ULK4: variants seen among roughly 807,000 people sequenced by gnomAD.
ULK4 encodes inactive serine/threonine-protein kinase ULK4.
Under a neutral mutation model 160.6 loss-of-function variants are expected in ULK4, and 133 were observed. The observed-to-expected ratio is 0.83, with a 90% confidence interval of 0.72 to 0.96. ULK4 has a LOEUF of 0.96. Among genes scored for constraint, ULK4 ranks in the 40% least tolerant of loss-of-function variants. The pLI is 0.00. For missense variants in ULK4, 1,580 were observed against 1,499.5 expected, an observed-to-expected ratio of 1.05 and a Z score of -0.89; for synonymous variants, 534 against 539.8, an observed-to-expected ratio of 0.99 and a Z score of 0.15.
At chr3:41,254,585 G>T (rs550800691) in intron 35 of ULK4, among the ~76,000 whole-genome samples, 1 of 152,074 alleles carries the variant, frequency 6.6e-6, no homozygotes, top group Admixed American at 6.5e-5. Context: ...CTACATCAAG[G>T]AACTAGGAAA....
rs766339294 is a variant in ULK4 at position 41,754,368 on chromosome 3, G to A, written c.2314C>T (p.Gln772Ter). ...CATCAGAGAAAATCTTACCTTGCTTGGCAACTGAGCAGCAACATCTCACGG... is the reference window on the plus strand; with the variant it reads ...CATCAGAGAAAATCTTACCTTGCTTAGCAACTGAGCAGCAACATCTCACGG... ...YNREMLLLSC[Q>*]ARLVMYIERD... is the part of the protein sequence containing the mutation. Residue 772 changes from glutamine to a stop codon, truncating the protein, a stop_gained, in exon 22 of 37, where the codon CAA becomes TAA. Coordinates refer to ENST00000301831, the MANE Select transcript of ULK4 (RefSeq NM_017886.4). LOFTEE classifies it high-confidence loss of function. 1 of 1,608,968 alleles carries A rather than the reference G, an allele frequency of 6.2e-7. No homozygotes were observed. The highest frequency in any genetic ancestry group is 8.5e-7 in the Non-Finnish European group (1 of 1,178,474).
intron 30 of ULK4, among the ~76,000 whole-genome samples, chr3:41,637,606 G>A (rs1271918817): frequency 3.9e-5 from 6 of 152,118 alleles, no homozygotes; most frequent in African/African-American, 9.7e-5. Flanking sequence ...ATTTTTTGAG[G>A]AACCTCTATA....
chr3:41,748,909 A>G (rs1266045458), intron 22 of ULK4, among the ~76,000 whole-genome samples: 3 of 152,160 alleles, frequency 2.0e-5, no homozygotes, highest in African/African-American at 7.2e-5. Flanking sequence ...ACAACTGCGT[A>G]GCCCTCCATT....
At chr3:41,724,529 C>A (rs1244176590) in intron 22 of ULK4, among the ~76,000 whole-genome samples, 1 of 152,088 alleles carries the variant, frequency 6.6e-6, no homozygotes, top group Non-Finnish European at 1.5e-5. Flanking sequence ...TCGAGACCAT[C>A]CTGGCTAACA....
chr3:41,320,521 C>T (rs2080226351), intron 35 of ULK4, among the ~76,000 whole-genome samples: 1 of 152,228 alleles, frequency 6.6e-6, no homozygotes, highest in South Asian at 2.1e-4. Context: ...AGAACCTAGG[C>T]TGGCCACGGG....
intron 18 of ULK4, among the ~76,000 whole-genome samples, chr3:41,832,770 TC>T (rs2041633477): frequency 6.6e-6 from 1 of 152,218 alleles, no homozygotes; most frequent in Non-Finnish European, 1.5e-5. Flanking sequence ...CTGGCCAGTT[TC>T]CCCAGCACCA....
intron 32 of ULK4, among the ~76,000 whole-genome samples, chr3:41,507,977 T>C (rs1252575885): frequency 6.6e-6 from 1 of 152,184 alleles, no homozygotes; most frequent in African/African-American, 2.4e-5. Context: ...GCAAGCTCCC[T>C]GAGATGCCAA....
chr3:41,507,128 T>C (rs1378809076), intron 32 of ULK4, among the ~76,000 whole-genome samples: 2 of 58,156 alleles, frequency 3.4e-5, no homozygotes, highest in Non-Finnish European at 8.6e-5. Flanking sequence ...ACCTTATAGA[T>C]TCCGGCCAAA....
chr3:41,312,867 G>C (rs2080077992), intron 35 of ULK4, among the ~76,000 whole-genome samples: 1 of 152,140 alleles, frequency 6.6e-6, no homozygotes, highest in Admixed American at 6.5e-5. Flanking sequence ...CAGTGTAAGT[G>C]GCCCCAGGAG....
At chr3:41,494,633 T>C (rs1257160404) in intron 32 of ULK4, among the ~76,000 whole-genome samples, 2 of 152,140 alleles carry the variant, frequency 1.3e-5, no homozygotes, top group Non-Finnish European at 2.9e-5. Context: ...AAAGAGGAAG[T>C]CAAATTGTCC....
intron 19 of ULK4, among the ~76,000 whole-genome samples, chr3:41,807,604 A>C (rs921277580): frequency 2.0e-5 from 3 of 152,226 alleles, no homozygotes; most frequent in Non-Finnish European, 4.4e-5. Context: ...TAAATGAGAT[A>C]GCACACAGGA....
At chr3:41,467,639 C>T (rs1176290418) in intron 32 of ULK4, among the ~76,000 whole-genome samples, 1 of 152,198 alleles carries the variant, frequency 6.6e-6, no homozygotes, top group African/African-American at 2.4e-5. Context: ...CTAAAAATAT[C>T]AAACACTGAA....
intron 30 of ULK4, among the ~76,000 whole-genome samples, chr3:41,656,200 A>AG (rs1193251094): frequency 6.6e-6 from 1 of 152,166 alleles, no homozygotes; most frequent in Non-Finnish European, 1.5e-5. Context: ...AAGAATAATG[A>AG]AAGGATGAAG....
chr3:41,742,095 CCCTT>C (rs1339629880), intron 22 of ULK4, among the ~76,000 whole-genome samples: 1 of 151,948 alleles, frequency 6.6e-6, no homozygotes, highest in Non-Finnish European at 1.5e-5. Context: ...TCACATACAA[CCCTT>C]CCCTTCCCAG....
intron 35 of ULK4, among the ~76,000 whole-genome samples, chr3:41,329,612 A>G (rs566361738): frequency 1.6e-4 from 25 of 152,306 alleles, no homozygotes; most frequent in Admixed American, 1.2e-3. Context: ...TGTACAACCC[A>G]GTGTCATAAA....
intron 30 of ULK4, among the ~76,000 whole-genome samples, chr3:41,650,482 G>A (rs2034695290): frequency 6.6e-6 from 1 of 152,208 alleles, no homozygotes; most frequent in Non-Finnish European, 1.5e-5. Context: ...GCCCACAGTG[G>A]AGGCTGCTTG....
At chr3:41,725,326 A>G (rs1048007466) in intron 22 of ULK4, among the ~76,000 whole-genome samples, 50 of 152,272 alleles carry the variant, frequency 3.3e-4, no homozygotes, top group African/African-American at 1.2e-3. Flanking sequence ...TTTCTTTCCT[A>G]TATTGATATC....
intron 35 of ULK4, among the ~76,000 whole-genome samples, chr3:41,387,441 T>C (rs2081843484): frequency 6.6e-6 from 1 of 152,154 alleles, no homozygotes; most frequent in Non-Finnish European, 1.5e-5. Context: ...GTTACATATG[T>C]ATACATGTGC....
intron 17 of ULK4, among the ~76,000 whole-genome samples, chr3:41,840,567 G>C (rs1311470392): frequency 6.6e-6 from 1 of 152,234 alleles, no homozygotes; most frequent in Non-Finnish European, 1.5e-5. Flanking sequence ...GAGGAGACAG[G>C]GTTTTGCCCT....
Sources: gnomAD v4.1 joint callset for allele counts (sites outside exome capture counted in the v4.1 genomes callset) on GRCh38, gnomAD v4.1.1 for gene constraint, MANE v1.5 for transcripts, NCBI Gene and HGNC (gene_info 2026-07-23, HGNC 2026-07-21) for gene names.